Variants in RC3H2 observed in about 807,000 individuals in gnomAD.
RC3H2 encodes roquin-2.
RC3H2 carries 31 observed loss-of-function variants against 133.3 expected under a neutral mutation model. That is an observed-to-expected ratio of 0.23 (90% CI 0.17 to 0.31). The LOEUF (loss-of-function observed/expected upper bound fraction) is 0.31. Ranked by LOEUF, RC3H2 falls within the 10% of genes least tolerant of loss-of-function variation. The pLI, the probability that RC3H2 is intolerant of heterozygous loss-of-function variation, is 1.00. For synonymous variants in RC3H2, 517 were observed against 502.2 expected, an observed-to-expected ratio of 1.03 and a Z score of -0.40; for missense variants, 1,175 against 1,437.2, an observed-to-expected ratio of 0.82 and a Z score of 2.95.
chr9:122,902,166 G>A (rs1588120166), intron 1 of RC3H2, among the ~76,000 whole-genome samples: 1 of 151,774 alleles, frequency 6.6e-6, no homozygotes, highest in Admixed American at 6.6e-5. Flanking sequence ...CCTGACCTCA[G>A]GTGATCCACC....
At position 122,858,837 on chromosome 9, in the gene RC3H2, C is replaced by A; in HGVS notation, c.2115G>T (p.Met705Ile). 4 of 1,614,280 alleles carry A rather than the reference C, an allele frequency of 2.5e-6. No individual in the cohort carries two copies. The highest frequency in any genetic ancestry group is 2.2e-5 in the South Asian group (2 of 91,090). ...YDSRRIWRPP[M>I]YQRDDIIRSN... is the part of the protein sequence containing the mutation. ...TTCTAATAATGTCATCTCGTTGGTA[C>A]ATAGGTGGGCGCCAGATGCGCCTGC... is the stretch of plus-strand genomic sequence containing the variant. Residue 705 changes from methionine (M) to isoleucine (I), a missense_variant, in exon 12 of 21, where the codon ATG becomes ATT. Met to Ile is a conservative substitution (Grantham distance 10). This residue lies in a region of RC3H2 where 490 missense variants were observed against 492.8 expected (regional missense o/e 0.99). Transcript: ENST00000357244.
intron 13 of RC3H2, 115 bp from the exon 14 acceptor site, chr9:122,855,993 CT>C: frequency 1.4e-6 from 1 of 722,836 alleles, no homozygotes; most frequent in South Asian, 3.7e-5. Context: ...AACAATTATA[CT>C]TTTTCAATAA....
At position 122,879,744 on chromosome 9, in the gene RC3H2, A is replaced by T; in HGVS notation, c.1212+11T>A. The T allele has an allele frequency of 6.5e-7, 1 of 1,540,878 alleles. No individual in the cohort carries two copies. The highest frequency in any genetic ancestry group is 8.9e-7 in the Non-Finnish European group (1 of 1,124,186). On this transcript the variant is annotated intron_variant, in intron 8 of 20. Coordinates refer to ENST00000357244, the MANE Select transcript of RC3H2 (RefSeq NM_001100588.3). ...GACAACAGCAGTCAGAAATGTAATA[A>T]ATGTACTTACCTGAGGGGTCTCATG...
At chr9:122,903,222 G>T (rs1588121332) in intron 1 of RC3H2, among the ~76,000 whole-genome samples, 3 of 152,252 alleles carry the variant, frequency 2.0e-5, no homozygotes, top group Middle Eastern at 6.8e-3. Flanking sequence ...CATGAGACTG[G>T]ATGCAAAACA....
chr9:122,893,156 TAAGTAAAATTA>T (rs1320641217), intron 2 of RC3H2, 130 bp from the exon 3 acceptor site: 4 of 1,270,168 alleles, frequency 3.1e-6, no homozygotes, highest in Middle Eastern at 5.8e-4. Flanking sequence ...GAAAGCCATT[TAAGTAAAATTA>T]AAGTCAAACA....
chr9:122,865,230 C>T lies in RC3H2; in HGVS notation c.1634+119G>A, dbSNP rs142884919. On this transcript the variant is annotated intron_variant, in intron 10 of 20. Coordinates refer to ENST00000357244, the MANE Select transcript of RC3H2 (RefSeq NM_001100588.3). ...TTAGTATTTAGTGTTTCTTCTACAT[C>T]ACAAAATATTCTGCATAAAAATTCT... The T allele has an allele frequency of 2.9e-4, 269 of 939,054 alleles. No individual in the cohort carries two copies. The East Asian group carries it at 6.6e-3, about 23-fold the overall frequency. 58.2% of individuals were successfully genotyped at this position (939,054 alleles called of 1,614,324 possible). A position where few individuals can be genotyped will look rare whatever the true frequency, so the allele number is the denominator to read the frequency against.
Position 122,859,948 on chromosome 9 carries a change from T to G in RC3H2, c.1818A>C (p.Ile606=). The change falls in exon 11 of 21, where the codon ATA becomes ATC. Residue 606 remains isoleucine, a synonymous_variant. Coordinates refer to ENST00000357244, the MANE Select transcript of RC3H2 (RefSeq NM_001100588.3). ...IQYFQDPRTQ[I]PFEVPQYPQT... is the part of the protein sequence containing the mutation. Reference sequence around the variant, plus strand: ...GTGGGTACTGTGGGACTTCAAAGGGTATCTGAGTCCTTGGATCTTGAAAAT... The same window carrying G: ...GTGGGTACTGTGGGACTTCAAAGGGGATCTGAGTCCTTGGATCTTGAAAAT... 6.2e-7 allele frequency: 1 copy of G among 1,613,942 alleles called. No individual in the cohort carries two copies. Among genetic ancestry groups the G allele is most frequent in the Non-Finnish European group, 8.5e-7 (1 of 1,179,800 alleles).
At chr9:122,876,562 A>G (rs1167977584) in intron 9 of RC3H2, among the ~76,000 whole-genome samples, 1 of 151,320 alleles carries the variant, frequency 6.6e-6, no homozygotes, top group African/African-American at 2.4e-5. Flanking sequence ...GGGGAGGCAG[A>G]GGTTGCAGTG....
In RC3H2 at chr9:122,865,912, C is replaced by G. The variant is rs1830628050; in HGVS notation, c.1326-255G>C. ...CCGAGTTTATATGTATTTTTTTTTCCCCTCATGCCACTTTGTCCAAGAATG... is the reference window on the plus strand; with the variant it reads ...CCGAGTTTATATGTATTTTTTTTTCGCCTCATGCCACTTTGTCCAAGAATG... On this transcript the variant is annotated intron_variant, in intron 9 of 20. Transcript: ENST00000357244. 1.3e-5 allele frequency among the ~76,000 whole-genome samples: 2 copies of G among 151,240 alleles called. 1 individual carries two copies. The highest frequency in any genetic ancestry group is 4.2e-4 in the South Asian group (2 of 4,784).
intron 9 of RC3H2, among the ~76,000 whole-genome samples, chr9:122,871,506 TGG>T (rs34377701): frequency 3.1e-5 from 4 of 127,676 alleles, no homozygotes; most frequent in East Asian, 2.1e-4. Context: ...ACCGTGTTAG[TGG>T]GGGGGGGGGT....
Position 122,905,330 on chromosome 9 carries a change from T to G in RC3H2, c.-288A>C. On this transcript the variant is annotated 5_prime_UTR_variant, in exon 1 of 21. Coordinates refer to ENST00000357244, the MANE Select transcript of RC3H2 (RefSeq NM_001100588.3). ...CACCTCCGCCTCCTCCTCCTCCTCC[T>G]CCTCACCACGGAGGCGGACCTGGAG... is the stretch of plus-strand genomic sequence containing the variant. The G allele has an allele frequency of 3.1e-6, 3 of 973,930 alleles. No individual in the cohort carries two copies. Among genetic ancestry groups the G allele is most frequent in the Non-Finnish European group, 3.7e-6 (3 of 819,260 alleles). The allele number at this position is 973,930 out of a possible 1,614,324, so 60.3% of individuals were successfully genotyped here.
At chr9:122,860,372 T>C (rs1830410206) in intron 10 of RC3H2, among the ~76,000 whole-genome samples, 1 of 151,608 alleles carries the variant, frequency 6.6e-6, no homozygotes, top group East Asian at 1.9e-4. Flanking sequence ...TTCCCAGATA[T>C]TAACGTGATT....
intron 9 of RC3H2, among the ~76,000 whole-genome samples, chr9:122,876,080 G>A (rs573539469): frequency 3.2e-4 from 48 of 152,326 alleles, no homozygotes; most frequent in Non-Finnish European, 6.8e-4. Flanking sequence ...GGATCACAAG[G>A]ATGGAAAGAA....
intron 18 of RC3H2, among the ~76,000 whole-genome samples, chr9:122,852,554 G>A (rs1175613967): frequency 5.4e-5 from 8 of 147,496 alleles, no homozygotes; most frequent in Admixed American, 2.7e-4. Flanking sequence ...CCCCCCGCCC[G>A]GCCAGCCGCC....
intron 1 of RC3H2, among the ~76,000 whole-genome samples, chr9:122,902,848 CAA>C (rs56346835): frequency 6.4e-4 from 54 of 84,538 alleles, no homozygotes; most frequent in East Asian, 2.0e-3. Flanking sequence ...GAGACTGTCT[CAA>C]AAAAAAAAAA....
chr9:122,852,972 G>T (rs960024428), intron 18 of RC3H2, among the ~76,000 whole-genome samples: 5 of 152,318 alleles, frequency 3.3e-5, no homozygotes, highest in Non-Finnish European at 7.4e-5. Flanking sequence ...TTGAGAAATC[G>T]GATGGTAGCC....
intron 10 of RC3H2, among the ~76,000 whole-genome samples, chr9:122,860,506 T>C (rs961819371): frequency 6.7e-6 from 1 of 150,118 alleles, no homozygotes; most frequent in Non-Finnish European, 1.5e-5. Context: ...CTTGACCTCC[T>C]GGGCTTAAGC....
At chr9:122,895,187 C>A in intron 2 of RC3H2, among the ~76,000 whole-genome samples, 1 of 146,806 alleles carries the variant, frequency 6.8e-6, no homozygotes, top group East Asian at 2.0e-4. Context: ...GAGACAGGGT[C>A]TCACTCCCAT....
chr9:122,855,022 G>A lies in RC3H2; in HGVS notation c.2815+162C>T, dbSNP rs190489673. Among the ~76,000 whole-genome samples the A allele has an allele frequency of 3.7e-3, 562 of 151,808 alleles. 3 individuals are homozygous for A. The highest frequency in any genetic ancestry group is 0.013 in the African/African-American group (538 of 41,360). ...CCCAGCTACTTGGGAGGCTGAGGCA[G>A]GAGAATCGCTTGAACCCAGGATGGA... On this transcript the variant is annotated intron_variant, in intron 15 of 20. Transcript: ENST00000357244.
Sources: gnomAD v4.1 joint callset for allele counts (sites outside exome capture counted in the v4.1 genomes callset) on GRCh38, gnomAD v4.1.1 for gene constraint, gnomAD v4.1.1 regional missense constraint, MANE v1.5 for transcripts, NCBI Gene and HGNC (gene_info 2026-07-23, HGNC 2026-07-21) for gene names.